The following EXTL1 variants were observed in gnomAD, a reference collection of about 807,000 sequenced individuals.
The protein encoded by EXTL1 is exostosin like glycosyltransferase 1.
Under a neutral mutation model 64.6 loss-of-function variants are expected in EXTL1, and 43 were observed. The observed-to-expected ratio is 0.67, with a 90% CI of 0.52 to 0.86. The LOEUF is 0.86. EXTL1 is among the 40% of genes least tolerant of loss of function. The pLI is 0.00. For missense variants in EXTL1, 766 were observed against 879.0 expected (o/e 0.87, Z 1.62); for synonymous variants, 352 against 360.5 (o/e 0.98, Z 0.27).
chr1:26,035,146 T>C lies in EXTL1; in HGVS notation c.1849-19T>C, dbSNP rs1189639345. ...AAGGGCAGAGAAGCCCGTTAATGCA[T>C]TGCTTCTTTCCCTCTTAGGCGCCTG... On this transcript the variant is annotated intron_variant, in intron 10 of 10. Transcript: ENST00000374280. This position sits in a 1 kb window ranked among gnomAD's most constrained non-coding sequence, Gnocchi z 5.3. 1.9e-6 allele frequency: 3 copies of C among 1,593,686 alleles called. No homozygotes were observed. Among genetic ancestry groups the C allele is most frequent in the Non-Finnish European group, 2.6e-6 (3 of 1,167,410 alleles).
At chr1:26,026,095 T>G (rs1569654045) in intron 1 of EXTL1, among the ~76,000 whole-genome samples, 3 of 151,870 alleles carry the variant, frequency 2.0e-5, no homozygotes, top group Admixed American at 2.0e-4. Flanking sequence ...AAACATTAGC[T>G]GGGTGTGGTG....
chr1:26,031,325 C>T, intron 5 of EXTL1, 61 bp downstream of exon 5: 2 of 1,580,726 alleles, frequency 1.3e-6, no homozygotes, highest in Non-Finnish European at 1.7e-6. Context: ...CTGCCCCAGC[C>T]TCATCTGGAG....
chr1:26,035,188 G>A lies in EXTL1; in HGVS notation c.1872G>A (p.Arg624=), dbSNP rs1359090577. The change falls in exon 11 of 11, where the codon AGG becomes AGA. Residue 624 remains arginine (R), a synonymous_variant. Coordinates refer to ENST00000374280, the MANE Select transcript of EXTL1 (RefSeq NM_004455.3). The surrounding 1 kb of genome is among the most constrained non-coding windows in gnomAD (Gnocchi z 5.3). ...APLAPGGPGP[R]PKPPAPAPDC... The stretch of plus-strand genomic sequence containing the variant: ...AGGCGCCTGGGGGCCCGGGGCCCAG[G>A]CCAAAGCCGCCTGCCCCAGCCCCCG... 15 of 1,609,844 alleles carry A rather than the reference G, an allele frequency of 9.3e-6. No homozygotes were observed. In the Admixed American group the frequency reaches 1.8e-4, roughly 20 times the overall value.
chr1:26,028,172 C>A (rs986718733), intron 1 of EXTL1, among the ~76,000 whole-genome samples: 2 of 152,144 alleles, frequency 1.3e-5, no homozygotes, highest in Non-Finnish European at 2.9e-5. Context: ...CCTGGAAGAC[C>A]CCTAAAGCAG....
chr1:26,029,131 CA>C (rs2050250568), intron 1 of EXTL1, 61 bp from the exon 2 acceptor site: 2 of 1,283,516 alleles, frequency 1.6e-6, no homozygotes, highest in South Asian at 2.5e-5. Context: ...TGAGGGAGCC[CA>C]GGGGGCGAAG....
intron 1 of EXTL1, among the ~76,000 whole-genome samples, chr1:26,024,106 C>A (rs1421641762): frequency 2.0e-5 from 3 of 152,184 alleles, no homozygotes; most frequent in African/African-American, 7.2e-5. Context: ...CAGTGAGAGG[C>A]CCTTGACATA....
chr1:26,026,387 G>T (rs2050216840), intron 1 of EXTL1, among the ~76,000 whole-genome samples: 1 of 150,122 alleles, frequency 6.7e-6, no homozygotes, highest in Non-Finnish European at 1.5e-5. Flanking sequence ...TCCACTTCCT[G>T]GGTTCAAGCG....
intron 3 of EXTL1, 141 bp from the exon 4 acceptor site, chr1:26,030,335 T>C: frequency 1.8e-6 from 1 of 563,986 alleles, no homozygotes; most frequent in Non-Finnish European, 2.7e-6. Context: ...TGCTTCTTTT[T>C]TTTTTTTTTT....
At chr1:26,031,319 C>T in intron 5 of EXTL1, 55 bp downstream of exon 5, 1 of 1,584,212 alleles carries the variant, frequency 6.3e-7, no homozygotes, top group Non-Finnish European at 8.6e-7. Context: ...CCAGGGCTGC[C>T]CCAGCCTCAT....
chr1:26,030,687 AC>A (rs368362104), intron 4 of EXTL1, 92 bp downstream of exon 4: 53,397 of 1,111,846 alleles, frequency 0.048, 368 homozygotes, highest in African/African-American at 0.13. Context: ...TGTTTGGGGA[AC>A]CCCCCCCCCT....
chr1:26,026,685 C>T (rs1282180835), intron 1 of EXTL1, among the ~76,000 whole-genome samples: 1 of 152,170 alleles, frequency 6.6e-6, no homozygotes, highest in Non-Finnish European at 1.5e-5. Flanking sequence ...CTGTGAAGGC[C>T]AAAGTGCCTA....
intron 1 of EXTL1, among the ~76,000 whole-genome samples, chr1:26,028,272 G>A (rs2050240078): frequency 6.6e-6 from 1 of 152,208 alleles, no homozygotes; most frequent in African/African-American, 2.4e-5. Context: ...CTGTGACCCT[G>A]AGCCAGTCCT....
chr1:26,022,736 C>T lies in EXTL1; in HGVS notation c.90C>T (p.Leu30=), dbSNP rs1246785762. 4 of 1,614,032 alleles carry T rather than the reference C, an allele frequency of 2.5e-6. No individual in the cohort carries two copies. The highest frequency in any genetic ancestry group is 2.2e-5 in the South Asian group (2 of 91,066). ...LLVLLGGFSL[L]RLALPPRPRP... ...TCCTGCTGGGAGGCTTCTCCCTTCT[C>T]CGCCTGGCATTGCCTCCCAGACCTC... The change falls in exon 1 of 11, where the codon CTC becomes CTT. Residue 30 remains leucine (L), a synonymous_variant. Coordinates refer to ENST00000374280, the MANE Select transcript of EXTL1 (RefSeq NM_004455.3).
chr1:26,022,783 G>A lies in EXTL1; in HGVS notation c.137G>A (p.Trp46Ter). Residue 46 changes from tryptophan to a stop codon, truncating the protein, a stop_gained, in exon 1 of 11, where the codon TGG becomes TAG. Coordinates refer to ENST00000374280, the MANE Select transcript of EXTL1 (RefSeq NM_004455.3). LOFTEE classifies it high-confidence loss of function. ...CCTCGGCCCGGGGCTTCCCAAGGCT[G>A]GCCCCGCTGGCTGGATGCAGAGCTC... ...PRPRPGASQG[W>*]PRWLDAELLQ... 6.2e-7 allele frequency: 1 copy of A among 1,614,020 alleles called. No individual in the cohort carries two copies. Among genetic ancestry groups the A allele is most frequent in the Non-Finnish European group, 8.5e-7 (1 of 1,179,984 alleles).
Position 26,034,856 on chromosome 1 carries a change from C to T in EXTL1, c.1700C>T (p.Thr567Ile). Reference protein sequence around the residue: ...FYHRYYHTLFTHSLPKALRTL... With the variant: ...FYHRYYHTLFIHSLPKALRTL... The stretch of plus-strand genomic sequence containing the variant: ...CCCAGGTATTACCACACTCTCTTCA[C>T]CCACTCCCTGCCCAAGGCTCTGAGG... Residue 567 changes from threonine (T) to isoleucine (I), a missense_variant, in exon 10 of 11, where the codon ACC (threonine) becomes ATC (isoleucine). Physicochemically the swap from Thr to Ile is moderately conservative, Grantham distance 89. This residue lies in a region of EXTL1 where 194 missense variants were observed against 214.5 expected (regional missense o/e 0.90). Coordinates refer to ENST00000374280, the MANE Select transcript of EXTL1 (RefSeq NM_004455.3). The surrounding 1 kb of genome is among the most constrained non-coding windows in gnomAD (Gnocchi z 4.6). The T allele has an allele frequency of 6.2e-7, 1 of 1,614,082 alleles. No homozygotes were observed. The highest frequency in any genetic ancestry group is 8.5e-7 in the Non-Finnish European group (1 of 1,179,964).
In EXTL1 at chr1:26,035,759, CG is replaced by C. The variant is rs1328222843; in HGVS notation, c.*418del. ...GGCCCCAGGACTGGCTTGCGAGCCC[CG>C]GGGGGCGGGTCGTGTCGTGTCCTTT... On this transcript the variant is annotated 3_prime_UTR_variant, in exon 11 of 11. Coordinates refer to ENST00000374280, the MANE Select transcript of EXTL1 (RefSeq NM_004455.3). The surrounding 1 kb of genome is among the most constrained non-coding windows in gnomAD (Gnocchi z 5.3). 5 of 176,640 alleles carry C rather than the reference CG, an allele frequency of 2.8e-5. No individual in the cohort carries two copies. Among genetic ancestry groups the C allele is most frequent in the Non-Finnish European group, 5.9e-5 (5 of 84,508 alleles). The allele number at this position is 176,640 out of a possible 1,614,324, so 10.9% of individuals were successfully genotyped here.
rs1298624966 is a variant in EXTL1, at chr1:26,027,541, T to TC, written c.780-1652_780-1651insC. 4.9e-3 allele frequency among the ~76,000 whole-genome samples: 741 copies of TC among 152,004 alleles called. 8 individuals carry two copies. Among genetic ancestry groups the TC allele is most frequent in the African/African-American group, 0.017 (687 of 41,416 alleles). ...GGAGGGTTTCCCAGAGGAGGTGATG[T>TC]TTCAGCTTAGACATTAAGACAGCGT... On this transcript the variant is annotated intron_variant, in intron 1 of 10. Transcript: ENST00000374280.
chr1:26,033,386 G>A lies in EXTL1; in HGVS notation c.1518+71G>A. ...CCAGAGGGCCCTGGCAGCCCCTCAG[G>A]TTCCCAGGGTTGAGGGGACCCCAGG... On this transcript the variant is annotated intron_variant, in intron 8 of 10. Transcript: ENST00000374280. The surrounding 1 kb of genome is among the most constrained non-coding windows in gnomAD (Gnocchi z 5.1). 5.1e-6 allele frequency: 7 copies of A among 1,365,992 alleles called. No individual in the cohort carries two copies. The highest frequency in any genetic ancestry group is 7.3e-6 in the Non-Finnish European group (7 of 956,646). 84.6% of individuals were successfully genotyped at this position (1,365,992 alleles called of 1,614,324 possible). A position where few individuals can be genotyped will look rare whatever the true frequency, so the allele number is the denominator to read the frequency against.
intron 1 of EXTL1, among the ~76,000 whole-genome samples, chr1:26,026,029 G>A (rs1375819817): frequency 6.6e-6 from 1 of 152,112 alleles, no homozygotes; most frequent in Admixed American, 6.5e-5. Context: ...AGGCTGAGGC[G>A]GGTGGATCGC....
Sources: allele counts gnomAD v4.1 joint callset (sites outside exome capture counted in the v4.1 genomes callset), GRCh38; gene constraint gnomAD v4.1.1; regional missense constraint gnomAD v4.1.1; non-coding constraint Gnocchi (gnomAD v3.1); transcripts MANE v1.5; gene names NCBI Gene and HGNC (gene_info 2026-07-23, HGNC 2026-07-21).